RABGGTB: variants seen among roughly 807,000 people sequenced by gnomAD.
RABGGTB encodes geranylgeranyl transferase type-2 subunit beta.
RABGGTB carries 20 observed loss-of-function variants against 44.5 expected under a neutral mutation model. That is an observed-to-expected ratio of 0.45 (90% CI 0.32 to 0.65). The LOEUF is 0.65. Among genes scored for constraint, RABGGTB ranks in the 30% least tolerant of loss-of-function variants. The pLI, the probability that RABGGTB is intolerant of heterozygous loss-of-function variation, is 0.05. For synonymous variants in RABGGTB, 128 were observed against 136.7 expected (o/e 0.94, Z 0.44); for missense variants, 302 against 398.7 (o/e 0.76, Z 2.06).
intron 3 of RABGGTB, 199 bp from the exon 4 acceptor site, chr1:75,789,753 G>T (rs2100486188): frequency 3.5e-6 from 2 of 575,978 alleles, no homozygotes; most frequent in Non-Finnish European, 6.1e-6. Context: ...AAATTTATAT[G>T]TAGAAAATTA....
chr1:75,791,479 A>G lies in RABGGTB; in HGVS notation c.487A>G (p.Asn163Asp). The stretch of plus-strand genomic sequence containing the variant: ...TTTGTAGGGGAAGCTTGATGCTATT[A>G]ATGTGGAAAAGGCAATCGAATTTGT... ...LALLGKLDAI[N>D]VEKAIEFVLS... The change falls in exon 6 of 9, where the codon AAT (asparagine) becomes GAT (aspartate). Residue 163 changes from asparagine (N) to aspartate (D), a missense_variant. Physicochemically the swap from Asn to Asp is conservative, Grantham distance 23 (BLOSUM62 1). Coordinates refer to ENST00000319942, the MANE Select transcript of RABGGTB (RefSeq NM_004582.4). The G allele has an allele frequency of 6.2e-7, 1 of 1,612,480 alleles. No homozygotes were observed. Among genetic ancestry groups the G allele is most frequent in the Non-Finnish European group, 8.5e-7 (1 of 1,179,738 alleles).
chr1:75,787,140 T>C (rs1447462859), intron 1 of RABGGTB: 1 of 556,996 alleles, frequency 1.8e-6, no homozygotes, highest in Non-Finnish European at 3.5e-6. Context: ...CTAGAATTAC[T>C]CTGAGACCTG....
chr1:75,790,240 G>A (rs1649614030), intron 4 of RABGGTB, 183 bp downstream of exon 4: 8 of 1,313,650 alleles, frequency 6.1e-6, no homozygotes, highest in Non-Finnish European at 4.8e-6. Flanking sequence ...ATATACAGGA[G>A]CACTGGAACA....
chr1:75,788,195 A>G, intron 2 of RABGGTB: 1 of 251,870 alleles, frequency 4.0e-6, no homozygotes, highest in Non-Finnish European at 8.1e-6. Context: ...TCATGGAGTT[A>G]AGGCCATATG....
intron 2 of RABGGTB, chr1:75,787,911 A>G: frequency 1.7e-6 from 1 of 595,304 alleles, no homozygotes; most frequent in South Asian, 1.4e-5. Context: ...GTTGGCATGT[A>G]TTATCTGAAT....
At chr1:75,791,123 T>G in intron 4 of RABGGTB, 162 bp from the exon 5 acceptor site, 1 of 628,292 alleles carries the variant, frequency 1.6e-6, no homozygotes. Flanking sequence ...GGAATTTTCT[T>G]GGGAAGTAAA....
intron 3 of RABGGTB, 54 bp downstream of exon 3, chr1:75,789,410 A>T: frequency 6.4e-7 from 1 of 1,555,236 alleles, no homozygotes; most frequent in South Asian, 1.1e-5. Flanking sequence ...CTTACTTCAG[A>T]GTTGGAAATT....
intron 2 of RABGGTB, chr1:75,788,295 T>TA (rs571138252): frequency 7.1e-4 from 119 of 168,382 alleles, no homozygotes; most frequent in African/African-American, 8.6e-4. Context: ...CACCACCTGT[T>TA]AAAAAAACTT....
intron 7 of RABGGTB, 88 bp from the exon 8 acceptor site, chr1:75,793,991 TACCTA>T: frequency 1.0e-6 from 1 of 957,094 alleles, no homozygotes; most frequent in Non-Finnish European, 1.5e-6. Flanking sequence ...AACATCAGAT[TACCTA>T]AGAGTGAGAC....
chr1:75,792,340 A>G, intron 7 of RABGGTB, 34 bp downstream of exon 7: 1 of 1,601,632 alleles, frequency 6.2e-7, no homozygotes, highest in South Asian at 1.1e-5. Context: ...TGCTAGCTTT[A>G]GAACCTTGAG....
At chr1:75,786,762 T>G (rs750841994) in intron 1 of RABGGTB, 1 of 293,240 alleles carries the variant, frequency 3.4e-6, no homozygotes, top group Non-Finnish European at 6.6e-6. Context: ...CCGCATCACA[T>G]GGGGACTTCT....
chr1:75,786,790 G>C, intron 1 of RABGGTB: 1 of 305,616 alleles, frequency 3.3e-6, no homozygotes, highest in South Asian at 2.8e-5. Flanking sequence ...CAGAGACTCG[G>C]ATTAAAGGTG....
intron 1 of RABGGTB, among the ~76,000 whole-genome samples, 165 bp downstream of exon 1, chr1:75,786,439 T>G (rs1649478707): frequency 6.6e-6 from 1 of 152,230 alleles, no homozygotes; most frequent in African/African-American, 2.4e-5. Context: ...CAGCGTTTTC[T>G]GCAGACCTCG....
At chr1:75,786,254 C>T (rs202157361), upstream of RABGGTB, 8 of 1,614,112 alleles carry the variant, frequency 5.0e-6, no homozygotes, top group East Asian at 8.9e-5. Flanking sequence ...ACCCTGCTCT[C>T]TCCTTTCCCT....
chr1:75,788,290 C>T (rs1050027686), intron 2 of RABGGTB: 3 of 168,734 alleles, frequency 1.8e-5, no homozygotes, highest in African/African-American at 7.2e-5. Context: ...AGATGCACCA[C>T]CTGTTAAAAA....
intron 4 of RABGGTB, chr1:75,790,436 T>C (rs551726581): frequency 1.8e-6 from 2 of 1,099,260 alleles, no homozygotes; most frequent in East Asian, 1.2e-4. Context: ...GTAGATAATC[T>C]CTGCTTTAGG....
At chr1:75,793,875 C>G in intron 7 of RABGGTB, 1 of 452,674 alleles carries the variant, frequency 2.2e-6, no homozygotes, top group Non-Finnish European at 3.8e-6. Context: ...GAAGTTTGGT[C>G]TCTTCTTACC....
intron 1 of RABGGTB, chr1:75,786,576 G>C (rs1004746443): frequency 7.4e-6 from 3 of 402,956 alleles, no homozygotes; most frequent in Non-Finnish European, 1.3e-5. Context: ...TTTTTTCTTG[G>C]AGAGGGGGTG....
chr1:75,788,894 G>A, intron 2 of RABGGTB: 1 of 454,208 alleles, frequency 2.2e-6, no homozygotes, highest in East Asian at 3.7e-5. Context: ...GCTCATGGGA[G>A]AAACTAAAGC....
Sources: allele counts gnomAD v4.1 joint callset (sites outside exome capture counted in the v4.1 genomes callset), GRCh38; gene constraint gnomAD v4.1.1; transcripts MANE v1.5; gene names NCBI Gene and HGNC (gene_info 2026-07-23, HGNC 2026-07-21).